Variants in ARL2 observed in about 807,000 individuals in gnomAD.
ARL2 encodes ARF like GTPase 2, also known as ADP-ribosylation factor-like protein 2.
Under a neutral mutation model 22.0 loss-of-function variants are expected in ARL2, and 11 were observed. The ratio of observed to expected loss-of-function variants is 0.50; its 90% CI spans 0.31 to 0.83. ARL2 has a LOEUF of 0.83. ARL2 is among the 40% of genes least tolerant of loss of function. ARL2 has a pLI of 0.04. For synonymous variants in ARL2, 111 were observed against 100.8 expected, an observed-to-expected ratio of 1.10 and a Z score of -0.61; for missense variants, 216 against 243.2, an observed-to-expected ratio of 0.89 and a Z score of 0.74.
At position 65,018,687 on chromosome 11, in the gene ARL2, G is replaced by A. The variant is rs571758436; in HGVS notation, c.293G>A (p.Arg98His). The change falls in exon 3 of 5, where the codon CGC becomes CAC. Residue 98 changes from arginine to histidine, a missense_variant. Arg to His is a conservative substitution (Grantham distance 29). Transcript: ENST00000246747. The surrounding 1 kb of genome is among the most constrained non-coding windows in gnomAD (Gnocchi z 4.2). The stretch of plus-strand genomic sequence containing the variant: ...GTAGTGGACAGCGCAGACCGCCAGC[G>A]CATGCAGGACTGCCAGCGGGAGCTC... ...IWVVDSADRQ[R>H]MQDCQRELQS... is the part of the protein sequence containing the mutation. 1.4e-5 allele frequency: 23 copies of A among 1,614,208 alleles called. No individual in the cohort carries two copies. The highest frequency in any genetic ancestry group is 2.2e-5 in the South Asian group (2 of 91,080).
At chr11:65,014,798 C>T (rs1946230333) in intron 1 of ARL2, among the ~76,000 whole-genome samples, 1 of 152,228 alleles carries the variant, frequency 6.6e-6, no homozygotes, top group Non-Finnish European at 1.5e-5. Context: ...TGTGTGTGGG[C>T]CCGAGTGTCC....
rs756093740 is a variant in ARL2, at chr11:65,021,711, G to T, written c.421-10G>T. 6.3e-7 allele frequency: 1 copy of T among 1,592,938 alleles called. No individual in the cohort carries two copies. Among genetic ancestry groups the T allele is most frequent in the South Asian group, 1.1e-5 (1 of 90,444 alleles). On this transcript the variant is annotated splice_polypyrimidine_tract_variant and intron_variant, in intron 4 of 4. Coordinates refer to ENST00000246747, the MANE Select transcript of ARL2 (RefSeq NM_001667.4). ...ACTGGCCACCACCATCAGCACCTTT[G>T]TCCTCCCAGGTCCTGGAGCTGGACT...
intron 3 of ARL2, chr11:65,019,119 C>G (rs1946296766): frequency 5.1e-6 from 2 of 394,018 alleles, no homozygotes; most frequent in African/African-American, 4.2e-5. Context: ...CACCTATAGT[C>G]CTAGCTACTC....
At position 65,018,993 on chromosome 11, in the gene ARL2, A is replaced by AT; in HGVS notation, c.339+261dup. 7.0e-7 allele frequency: 1 copy of AT among 1,422,056 alleles called. No individual in the cohort carries two copies. Among genetic ancestry groups the AT allele is most frequent in the South Asian group, 1.2e-5 (1 of 81,100 alleles). 88.1% of individuals were successfully genotyped at this position (1,422,056 alleles called of 1,614,324 possible). A position where few individuals can be genotyped will look rare whatever the true frequency, so the allele number is the denominator to read the frequency against. ...TTGAAATGGTGATGATGACACCCAC[A>AT]TCACTGGGCTTTAGGGAGGATAACC... On this transcript the variant is annotated intron_variant, in intron 3 of 4. Transcript: ENST00000246747. This position sits in a 1 kb window ranked among gnomAD's most constrained non-coding sequence, Gnocchi z 4.2.
At chr11:65,021,139 T>A (rs1318871184) in intron 4 of ARL2, among the ~76,000 whole-genome samples, 1 of 152,178 alleles carries the variant, frequency 6.6e-6, no homozygotes, top group East Asian at 1.9e-4. Flanking sequence ...GTGAGAACTA[T>A]TATTTTACAG....
At chr11:65,020,181 C>A (rs1378979166) in intron 3 of ARL2, among the ~76,000 whole-genome samples, 1 of 152,138 alleles carries the variant, frequency 6.6e-6, no homozygotes, top group Non-Finnish European at 1.5e-5. Context: ...ATGGGGACAG[C>A]GGTGTCCCCT....
At chr11:65,014,373 C>T in intron 1 of ARL2, 101 bp downstream of exon 1, 2 of 984,390 alleles carry the variant, frequency 2.0e-6, no homozygotes, top group Non-Finnish European at 2.9e-6. Context: ...GCCGGCGCGT[C>T]CCAACTGCCC....
At chr11:65,015,765 T>C (rs75956440) in intron 1 of ARL2, among the ~76,000 whole-genome samples, 7,264 of 152,096 alleles carry the variant, frequency 0.048, 203 homozygotes, top group Middle Eastern at 0.065. Flanking sequence ...TATTTATACA[T>C]ATATATATTC....
rs772978493 is a variant in ARL2, at chr11:65,014,199, C to G, written c.-9C>G. 2.6e-6 allele frequency: 4 copies of G among 1,563,596 alleles called. No individual in the cohort carries two copies. The highest frequency in any genetic ancestry group is 2.6e-5 in the East Asian group (1 of 38,540). On this transcript the variant is annotated 5_prime_UTR_variant, in exon 1 of 5. Coordinates refer to ENST00000246747, the MANE Select transcript of ARL2 (RefSeq NM_001667.4). ...AAGAAACGGCGGCCGGGAGGGGGCTCCGGGGACCATGGGGCTCCTGACCAT... is the reference window on the plus strand; with the variant it reads ...AAGAAACGGCGGCCGGGAGGGGGCTGCGGGGACCATGGGGCTCCTGACCAT...
In ARL2 at chr11:65,018,802, G is replaced by A; in HGVS notation, c.339+69G>A. On this transcript the variant is annotated intron_variant, in intron 3 of 4. Coordinates refer to ENST00000246747, the MANE Select transcript of ARL2 (RefSeq NM_001667.4). This position sits in a 1 kb window ranked among gnomAD's most constrained non-coding sequence, Gnocchi z 4.2. ...TGCCTTCTCAGCAGATGCCCAGAGG[G>A]GCCCGTGGCCCCAGAGGGAAACCAG... The A allele has an allele frequency of 1.9e-6, 3 of 1,592,974 alleles. No individual in the cohort carries two copies. Among genetic ancestry groups the A allele is most frequent in the Non-Finnish European group, 2.6e-6 (3 of 1,173,872 alleles).
At chr11:65,020,869 C>CA (rs58186585) in intron 4 of ARL2, among the ~76,000 whole-genome samples, 959 of 67,774 alleles carry the variant, frequency 0.014, 14 homozygotes, top group South Asian at 0.11. Flanking sequence ...GACTTCGTCT[C>CA]AAAAAAAAAA....
At chr11:65,017,763 G>A (rs183199777) in intron 1 of ARL2, among the ~76,000 whole-genome samples, 5 of 152,358 alleles carry the variant, frequency 3.3e-5, no homozygotes, top group Admixed American at 3.3e-4. Flanking sequence ...GCAGTGTTGG[G>A]AAGATAGAGG....
At chr11:65,016,202 T>TG (rs1565180583) in intron 1 of ARL2, among the ~76,000 whole-genome samples, 1 of 26,408 alleles carries the variant, frequency 3.8e-5, no homozygotes, top group Non-Finnish European at 8.0e-5. Flanking sequence ...AGCGAAACTC[T>TG]GTTAAAAAAA....
intron 1 of ARL2, among the ~76,000 whole-genome samples, chr11:65,014,590 G>C (rs1946226562): frequency 6.6e-6 from 1 of 152,192 alleles, no homozygotes; most frequent in Non-Finnish European, 1.5e-5. Flanking sequence ...GCGTGGGGCC[G>C]CTGCCCTCCC....
intron 4 of ARL2, 136 bp from the exon 5 acceptor site, chr11:65,021,585 G>A: frequency 1.7e-6 from 2 of 1,162,396 alleles, no homozygotes; most frequent in Non-Finnish European, 1.2e-6. Context: ...GGACCGGCGG[G>A]GCTTCCTGGA....
At position 65,020,428 on chromosome 11, in the gene ARL2, G is replaced by A. The variant is rs140716291; in HGVS notation, c.349G>A (p.Gly117Arg). 139 of 1,612,450 alleles carry A rather than the reference G, an allele frequency of 8.6e-5. No individual in the cohort carries two copies. The highest frequency in any genetic ancestry group is 1.1e-4 in the Non-Finnish European group (130 of 1,179,274). The change falls in exon 4 of 5, where the codon GGA (glycine) becomes AGA (arginine). Residue 117 changes from glycine to arginine, a missense_variant. By Grantham distance (125) the Gly-to-Arg change is moderately radical. Transcript: ENST00000246747. ...ATCTTTTCTCCCCCAGCGCCTGGCC[G>A]GAGCAACCCTCCTCATCTTTGCTAA... ...QSLLVEERLA[G>R]ATLLIFANKQ...
Position 65,014,180 on chromosome 11 carries a change from C to T in ARL2, c.-28C>T, listed in dbSNP as rs1399600814. 5 of 1,539,554 alleles carry T rather than the reference C, an allele frequency of 3.2e-6. No individual in the cohort carries two copies. The Admixed American group carries it at 6.3e-5, about 19-fold the overall frequency. ...GCGGGGTCCCGGGACTGGGAAGAAA[C>T]GGCGGCCGGGAGGGGGCTCCGGGGA... On this transcript the variant is annotated 5_prime_UTR_variant, in exon 1 of 5. In the 5' UTR this introduces an upstream ATG that the reference lacks. Transcript: ENST00000246747.
Position 65,018,343 on chromosome 11 carries a change from C to T in ARL2, c.66-21C>T, listed in dbSNP as rs1946283561. 1.3e-6 allele frequency: 2 copies of T among 1,576,062 alleles called. No homozygotes were observed. The highest frequency in any genetic ancestry group is 1.2e-5 in the South Asian group (1 of 85,912). On this transcript the variant is annotated intron_variant, in intron 1 of 4. Coordinates refer to ENST00000246747, the MANE Select transcript of ARL2 (RefSeq NM_001667.4). This position sits in a 1 kb window ranked among gnomAD's most constrained non-coding sequence, Gnocchi z 4.2. ...CACCTGGCAGAGAACAGGGACTTCT[C>T]CTTAACCTGCTGCGCCCCAGTGGCC... is the stretch of plus-strand genomic sequence containing the variant.
At chr11:65,021,506 A>C in intron 4 of ARL2, 1 of 502,608 alleles carries the variant, frequency 2.0e-6, no homozygotes, top group Admixed American at 3.2e-5. Flanking sequence ...TTACATCACT[A>C]AGGGGCAGCA....
Sources: allele counts gnomAD v4.1 joint callset (sites outside exome capture counted in the v4.1 genomes callset), GRCh38; gene constraint gnomAD v4.1.1; non-coding constraint Gnocchi (gnomAD v3.1); transcripts MANE v1.5; gene names NCBI Gene and HGNC (gene_info 2026-07-23, HGNC 2026-07-21).